The following NXPE2 variants were observed in gnomAD, a reference collection of about 807,000 sequenced individuals.
NXPE2 encodes neurexophilin and PC-esterase domain family member 2.
In NXPE2, 34 loss-of-function variants were observed where a neutral mutation model predicts 34.4. The observed-to-expected ratio is 0.99, with a 90% CI of 0.75 to 1.31. The LOEUF (loss-of-function observed/expected upper bound fraction) is 1.31, where lower values mean the gene tolerates loss of function less well. Among genes scored for constraint, NXPE2 ranks in the 40% most tolerant of loss-of-function variants. The probability of loss-of-function intolerance (pLI) is 0.00; values close to 1 mark genes in which losing one functional copy is unlikely to be tolerated. For synonymous variants in NXPE2, 235 were observed against 231.3 expected, an observed-to-expected ratio of 1.02 and a Z score of -0.15; for missense variants, 649 against 672.5, an observed-to-expected ratio of 0.97 and a Z score of 0.39.
chr11:114,759,973 A>G, the NXPE2 span, among the ~76,000 whole-genome samples: 1 of 151,886 alleles, frequency 6.6e-6, no homozygotes, highest in African/African-American at 2.4e-5. Context: ...GCTTAACACA[A>G]CCTTGCATGC....
chr11:114,671,885 C>T, the NXPE2 span, among the ~76,000 whole-genome samples: 124 of 151,972 alleles, frequency 8.2e-4, no homozygotes, highest in Non-Finnish European at 1.7e-3. Context: ...TCTCACACTG[C>T]TATAAAGACA....
the NXPE2 span, among the ~76,000 whole-genome samples, chr11:114,487,536 A>G: frequency 3.3e-5 from 5 of 152,144 alleles, no homozygotes; most frequent in Admixed American, 3.3e-4. Context: ...TGCTCTAGCT[A>G]GGACTTCCCA....
chr11:114,511,386 C>T, the NXPE2 span, among the ~76,000 whole-genome samples: 1 of 152,216 alleles, frequency 6.6e-6, no homozygotes, highest in African/African-American at 2.4e-5. Context: ...CTTGAGACTC[C>T]GAGGCCATAA....
chr11:114,757,841 GCATTTAATAAAGTGATTAAGCAGTGA>G, the NXPE2 span, among the ~76,000 whole-genome samples: 1 of 152,170 alleles, frequency 6.6e-6, no homozygotes, highest in Non-Finnish European at 1.5e-5. Context: ...AGGAGCAGTG[GCATTTAATAAAGTGATTAAGCAGTGA>G]CATTAAATGA....
chr11:114,687,475 C>T (rs1591431431), intron 2 of NXPE2, among the ~76,000 whole-genome samples: 1 of 151,814 alleles, frequency 6.6e-6, no homozygotes, highest in African/African-American at 2.4e-5. Context: ...AGTCTATGTG[C>T]CTGTTTTTGT....
At chr11:114,617,868 G>A in the NXPE2 span, among the ~76,000 whole-genome samples, 3 of 152,046 alleles carry the variant, frequency 2.0e-5, no homozygotes, top group Admixed American at 2.0e-4. Flanking sequence ...ATTGCCTCAT[G>A]GGTAACCACT....
At chr11:114,701,158 A>G (rs946938370) in intron 3 of NXPE2, among the ~76,000 whole-genome samples, 4 of 152,220 alleles carry the variant, frequency 2.6e-5, no homozygotes, top group Admixed American at 2.6e-4. Flanking sequence ...AAGCAAAGGA[A>G]AAATAATCAT....
the NXPE2 span, among the ~76,000 whole-genome samples, chr11:114,791,668 A>G: frequency 3.3e-5 from 5 of 152,252 alleles, no homozygotes; most frequent in African/African-American, 1.2e-4. Context: ...AAATTGAAGC[A>G]AAGATGGGAA....
chr11:114,633,733 C>T, the NXPE2 span, among the ~76,000 whole-genome samples: 19 of 151,522 alleles, frequency 1.3e-4, 1 homozygote, highest in African/African-American at 3.6e-4. Context: ...TTTGTCCTTG[C>T]GATTGTTTAC....
chr11:114,782,456 C>G, the NXPE2 span, among the ~76,000 whole-genome samples: 1 of 152,212 alleles, frequency 6.6e-6, no homozygotes, highest in Non-Finnish European at 1.5e-5. Context: ...CCTGGAAGAA[C>G]AGGTAAGTAA....
intron 2 of NXPE2, among the ~76,000 whole-genome samples, chr11:114,689,444 G>A (rs1019702777): frequency 1.3e-5 from 2 of 152,022 alleles, no homozygotes; most frequent in Non-Finnish European, 2.9e-5. Context: ...TGTGGTCTGA[G>A]TAGATGCTTG....
the NXPE2 span, among the ~76,000 whole-genome samples, chr11:114,768,326 G>T: frequency 6.6e-6 from 1 of 152,278 alleles, no homozygotes; most frequent in African/African-American, 2.4e-5. Flanking sequence ...TTGTAGTATA[G>T]TTTGAAGTCA....
chr11:114,629,730 T>G, the NXPE2 span, among the ~76,000 whole-genome samples: 1 of 151,736 alleles, frequency 6.6e-6, no homozygotes, highest in African/African-American at 2.4e-5. Flanking sequence ...GAAGTCAAAT[T>G]GTCCCTGTTT....
the NXPE2 span, among the ~76,000 whole-genome samples, chr11:114,791,819 G>T: frequency 2.0e-5 from 3 of 152,200 alleles, no homozygotes; most frequent in African/African-American, 4.8e-5. Context: ...CACTTTGGGA[G>T]GCCGAGGCGG....
the NXPE2 span, among the ~76,000 whole-genome samples, chr11:114,543,148 G>A: frequency 6.6e-6 from 1 of 152,160 alleles, no homozygotes; most frequent in East Asian, 1.9e-4. Flanking sequence ...TTGAGGTCAG[G>A]AGTTTGAGGC....
upstream of NXPE2, among the ~76,000 whole-genome samples, chr11:114,673,941 A>C (rs1481329380): frequency 6.6e-6 from 1 of 151,794 alleles, no homozygotes; most frequent in East Asian, 1.9e-4. Flanking sequence ...GTTAAATCTC[A>C]CCATGACAAT....
the NXPE2 span, among the ~76,000 whole-genome samples, chr11:114,547,994 A>G: frequency 1.3e-5 from 2 of 152,204 alleles, no homozygotes; most frequent in African/African-American, 4.8e-5. Context: ...TTAAATCTTA[A>G]GAAAATCAGA....
At chr11:114,566,786 A>G in the NXPE2 span, among the ~76,000 whole-genome samples, 1 of 152,138 alleles carries the variant, frequency 6.6e-6, no homozygotes, top group Non-Finnish European at 1.5e-5. Context: ...ACATATATGT[A>G]TTTAAATTTA....
At chr11:114,591,878 C>T in the NXPE2 span, among the ~76,000 whole-genome samples, 4 of 152,022 alleles carry the variant, frequency 2.6e-5, no homozygotes, top group African/African-American at 9.7e-5. Flanking sequence ...ATATTATGTC[C>T]CTAATTTTTT....
Sources: allele counts gnomAD v4.1 joint callset (sites outside exome capture counted in the v4.1 genomes callset), GRCh38; gene constraint gnomAD v4.1.1; transcripts MANE v1.5; gene names NCBI Gene and HGNC (gene_info 2026-07-23, HGNC 2026-07-21).